DNAJC6: variants seen among roughly 807,000 people sequenced by gnomAD.
The protein encoded by DNAJC6 is auxilin.
In DNAJC6, 34 loss-of-function variants were observed where a neutral mutation model predicts 110.0. That is an observed-to-expected ratio of 0.31 (90% CI 0.24 to 0.41). The LOEUF (loss-of-function observed/expected upper bound fraction) is 0.41, where lower values mean the gene tolerates loss of function less well. DNAJC6 is among the 10% of genes least tolerant of loss of function. The probability of loss-of-function intolerance (pLI) is 1.00; values close to 1 mark genes in which losing one functional copy is unlikely to be tolerated. For synonymous variants in DNAJC6, 406 were observed against 437.2 expected (o/e 0.93, Z 0.89); for missense variants, 1,031 against 1,207.8 (o/e 0.85, Z 2.17).
intron 1 of DNAJC6, among the ~76,000 whole-genome samples, chr1:65,351,470 G>A (rs534078486): frequency 3.9e-5 from 6 of 152,300 alleles, no homozygotes; most frequent in African/African-American, 1.2e-4. Context: ...AGTATTCAAA[G>A]TAGCCCCAGC....
At position 65,364,672 on chromosome 1, in the gene DNAJC6, A is replaced by C; in HGVS notation, c.231A>C (p.Gly77=). ...SSPDMEPSYG[G]GLFDMVKGGA... The stretch of plus-strand genomic sequence containing the variant: ...CAGACATGGAGCCCAGCTATGGGGG[A>C]GGTCTCTTTGACATGGTAAAAGGAG... The change falls in exon 2 of 19, where the codon GGA becomes GGC. Residue 77 remains glycine, a synonymous_variant. Coordinates refer to ENST00000371069, the MANE Select transcript of DNAJC6 (RefSeq NM_001256864.2). The C allele has an allele frequency of 1.3e-6, 2 of 1,585,316 alleles. No homozygotes were observed. Among genetic ancestry groups the C allele is most frequent in the South Asian group, 2.2e-5 (2 of 89,838 alleles).
intron 1 of DNAJC6, among the ~76,000 whole-genome samples, chr1:65,267,188 T>TG (rs1364992665): frequency 6.6e-6 from 1 of 152,170 alleles, no homozygotes; most frequent in Admixed American, 6.5e-5. Flanking sequence ...TGAGCCACCG[T>TG]GCCTGGCCGG....
intron 9 of DNAJC6, 51 bp from the exon 10 acceptor site, chr1:65,389,205 A>T (rs1376795237): frequency 6.5e-7 from 1 of 1,532,220 alleles, no homozygotes; most frequent in Non-Finnish European, 8.9e-7. Flanking sequence ...CAAACATCAT[A>T]CCAGTTCCAT....
intron 1 of DNAJC6, among the ~76,000 whole-genome samples, chr1:65,266,700 A>C (rs1277340448): frequency 3.3e-5 from 5 of 152,146 alleles, no homozygotes. Flanking sequence ...GAGAGAAAAA[A>C]AAAATTGCTT....
At chr1:65,356,959 A>G (rs966047303) in intron 1 of DNAJC6, among the ~76,000 whole-genome samples, 17 of 152,272 alleles carry the variant, frequency 1.1e-4, no homozygotes, top group Admixed American at 1.1e-3. Context: ...TTTCCATGGT[A>G]TATCTACTTG....
intron 1 of DNAJC6, among the ~76,000 whole-genome samples, chr1:65,277,321 C>T (rs1359395879): frequency 2.0e-5 from 3 of 152,118 alleles, no homozygotes; most frequent in Non-Finnish European, 4.4e-5. Context: ...GAAATTCTTA[C>T]AAATATATGT....
intron 8 of DNAJC6, 122 bp downstream of exon 8, chr1:65,387,051 G>A (rs1252769658): frequency 4.7e-5 from 39 of 837,246 alleles, no homozygotes; most frequent in Admixed American, 6.2e-5. Flanking sequence ...GAAAAAGAGC[G>A]TTTAAAGATT....
At chr1:65,367,473 A>G (rs1440078446) in intron 4 of DNAJC6, among the ~76,000 whole-genome samples, 1 of 152,178 alleles carries the variant, frequency 6.6e-6, no homozygotes, top group African/African-American at 2.4e-5. Flanking sequence ...GTGGATAGAT[A>G]TTTTGTTCTT....
chr1:65,271,302 A>G (rs184754756), intron 1 of DNAJC6, among the ~76,000 whole-genome samples: 5 of 152,270 alleles, frequency 3.3e-5, no homozygotes, highest in East Asian at 3.9e-4. Flanking sequence ...TTTGAAATAT[A>G]CAACACATTA....
intron 7 of DNAJC6, 86 bp downstream of exon 7, chr1:65,385,992 C>A (rs1311192936): frequency 3.1e-6 from 4 of 1,286,142 alleles, no homozygotes; most frequent in Non-Finnish European, 4.3e-6. Flanking sequence ...ATTCTTCCTG[C>A]AAGACTATAT....
intron 4 of DNAJC6, among the ~76,000 whole-genome samples, chr1:65,372,479 C>T (rs1321143161): frequency 6.6e-6 from 1 of 152,090 alleles, no homozygotes. Context: ...TATGGTCTCT[C>T]TTCTCATGGA....
chr1:65,300,655 G>T lies in DNAJC6; in HGVS notation c.-131+35723G>T, dbSNP rs1364822074. Among the ~76,000 whole-genome samples, 3 of 152,198 alleles carry T rather than the reference G, an allele frequency of 2.0e-5. No homozygotes were observed. In the East Asian group the frequency reaches 5.8e-4, roughly 29 times the overall value. On this transcript the variant is annotated intron_variant, in intron 1 of 19. Transcript: ENST00000263441. ...GCATTCCAGAGTTTTATCTCTTTGG[G>T]TATGGTAATCCTTCTCACGAAACCT...
At chr1:65,401,222 A>G (rs1557563792) in intron 14 of DNAJC6, among the ~76,000 whole-genome samples, 2 of 152,076 alleles carry the variant, frequency 1.3e-5, no homozygotes, top group Non-Finnish European at 2.9e-5. Flanking sequence ...ATATGGTGAG[A>G]GATAAGAGTC....
At chr1:65,332,445 CAAGA>C (rs1442469536) in intron 1 of DNAJC6, among the ~76,000 whole-genome samples, 3 of 152,092 alleles carry the variant, frequency 2.0e-5, no homozygotes, top group Non-Finnish European at 2.9e-5. Context: ...GAAAAAGAGG[CAAGA>C]AATAAACTAA....
At chr1:65,280,572 C>T (rs1021556345) in intron 1 of DNAJC6, among the ~76,000 whole-genome samples, 3 of 152,162 alleles carry the variant, frequency 2.0e-5, no homozygotes, top group Admixed American at 1.3e-4. Flanking sequence ...ACTCCTCCCT[C>T]CATTCCTTCT....
chr1:65,265,513 C>T (rs1293644351), intron 1 of DNAJC6, among the ~76,000 whole-genome samples: 1 of 152,152 alleles, frequency 6.6e-6, no homozygotes, highest in Non-Finnish European at 1.5e-5. Flanking sequence ...CTTACCTCCC[C>T]CTCACCTCCC....
chr1:65,392,783 T>C lies in DNAJC6; in HGVS notation c.1821T>C (p.Pro607=). 1 of 1,608,252 alleles carries C rather than the reference T, an allele frequency of 6.2e-7. No homozygotes were observed. The highest frequency in any genetic ancestry group is 1.1e-5 in the South Asian group (1 of 89,806). ...GQSGVEDVFH[P]SGPASTQSTP... ...CAGGAGTGGAAGATGTGTTTCATCCTAGTGGACCTGCGTCTACCCAGTCAA... is the reference window on the plus strand; with the variant it reads ...CAGGAGTGGAAGATGTGTTTCATCCCAGTGGACCTGCGTCTACCCAGTCAA... Residue 607 remains proline, a synonymous_variant, in exon 12 of 19, where the codon CCT becomes CCC. Coordinates refer to ENST00000371069, the MANE Select transcript of DNAJC6 (RefSeq NM_001256864.2).
chr1:65,358,192 A>C (rs984094115), intron 1 of DNAJC6, among the ~76,000 whole-genome samples: 5 of 151,686 alleles, frequency 3.3e-5, no homozygotes, highest in African/African-American at 7.2e-5. Context: ...AAAAAAAAAA[A>C]AAAAAAAACA....
chr1:65,347,164 C>T (rs1478914528), intron 1 of DNAJC6, among the ~76,000 whole-genome samples: 2 of 149,814 alleles, frequency 1.3e-5, no homozygotes, highest in Admixed American at 1.3e-4. Flanking sequence ...ATCTTTATTT[C>T]TATGTATGTG....
Sources: gnomAD v4.1 joint callset for allele counts (sites outside exome capture counted in the v4.1 genomes callset) on GRCh38, gnomAD v4.1.1 for gene constraint, MANE v1.5 for transcripts, NCBI Gene and HGNC (gene_info 2026-07-23, HGNC 2026-07-21) for gene names.